Variants in FHIT observed in about 807,000 individuals in gnomAD.
The protein encoded by FHIT is bis(5'-adenosyl)-triphosphatase.
Under a neutral mutation model 17.9 loss-of-function variants are expected in FHIT, and 19 were observed. That is an observed-to-expected ratio of 1.06 (90% CI 0.74 to 1.56). The LOEUF is 1.56. FHIT is among the 40% of genes most tolerant of loss of function. FHIT has a pLI of 0.00. For synonymous variants in FHIT, 81 were observed against 69.7 expected (o/e 1.16, Z -0.81); for missense variants, 248 against 189.2 (o/e 1.31, Z -1.82).
At chr3:60,684,453 A>T (rs918110443) in intron 4 of FHIT, among the ~76,000 whole-genome samples, 3 of 152,128 alleles carry the variant, frequency 2.0e-5, no homozygotes, top group Admixed American at 1.3e-4. Flanking sequence ...TCAAGTCCAG[A>T]TATAGGAGTT....
intron 2 of FHIT, among the ~76,000 whole-genome samples, chr3:61,196,254 G>C (rs1270623446): frequency 1.3e-5 from 2 of 152,132 alleles, no homozygotes; most frequent in African/African-American, 4.8e-5. Context: ...AGATGTTGCA[G>C]TTTTTAAATA....
At chr3:59,857,017 G>A (rs565338138) in intron 8 of FHIT, among the ~76,000 whole-genome samples, 1 of 152,278 alleles carries the variant, frequency 6.6e-6, no homozygotes, top group South Asian at 2.1e-4. Context: ...TCACGCTAAT[G>A]TAACAATCGC....
intron 3 of FHIT, among the ~76,000 whole-genome samples, chr3:60,832,835 T>C (rs1339832540): frequency 1.3e-5 from 2 of 152,204 alleles, no homozygotes; most frequent in Non-Finnish European, 1.5e-5. Flanking sequence ...TTCAACATGT[T>C]AATAAAAGTT....
At chr3:60,427,326 A>C (rs1381210512) in intron 5 of FHIT, among the ~76,000 whole-genome samples, 2 of 152,028 alleles carry the variant, frequency 1.3e-5, no homozygotes, top group African/African-American at 4.8e-5. Flanking sequence ...TTCTGCCAAC[A>C]GGAGACAGCT....
chr3:60,732,584 C>A, intron 4 of FHIT: 2 of 581,724 alleles, frequency 3.4e-6, no homozygotes, highest in Non-Finnish European at 6.8e-6. Context: ...GGAGACGCGG[C>A]CCAAGGGCTC....
intron 5 of FHIT, among the ~76,000 whole-genome samples, chr3:60,224,171 G>T (rs972862619): frequency 1.3e-5 from 2 of 152,142 alleles, no homozygotes; most frequent in Non-Finnish European, 2.9e-5. Flanking sequence ...CTGTGGAGGA[G>T]TACCGATTTT....
intron 3 of FHIT, among the ~76,000 whole-genome samples, chr3:60,961,221 T>G (rs1422658168): frequency 1.3e-5 from 2 of 152,248 alleles, no homozygotes; most frequent in Non-Finnish European, 2.9e-5. Context: ...ATTGGCTCCA[T>G]AAATGTCTTC....
intron 8 of FHIT, among the ~76,000 whole-genome samples, chr3:59,808,134 C>T (rs1196873064): frequency 6.6e-6 from 1 of 152,142 alleles, no homozygotes. Context: ...CTTTCTGTCT[C>T]TATCAATTTG....
At chr3:60,578,955 TCA>T (rs1259670493) in intron 4 of FHIT, among the ~76,000 whole-genome samples, 2 of 152,108 alleles carry the variant, frequency 1.3e-5, no homozygotes, top group African/African-American at 4.8e-5. Flanking sequence ...AAGTAAACAC[TCA>T]CAAGAAAAAG....
intron 4 of FHIT, among the ~76,000 whole-genome samples, chr3:60,759,075 T>C (rs1482290687): frequency 6.6e-6 from 1 of 152,136 alleles, no homozygotes; most frequent in African/African-American, 2.4e-5. Flanking sequence ...CCAGTGCCAC[T>C]GTAGCAGAGG....
At chr3:61,020,777 T>C (rs1401555862) in intron 3 of FHIT, among the ~76,000 whole-genome samples, 2 of 152,088 alleles carry the variant, frequency 1.3e-5, no homozygotes, top group Admixed American at 1.3e-4. Flanking sequence ...GTGCGCTATA[T>C]TCAGGAGACC....
intron 4 of FHIT, among the ~76,000 whole-genome samples, chr3:60,787,588 A>G (rs1700625776): frequency 6.6e-6 from 1 of 152,258 alleles, no homozygotes; most frequent in South Asian, 2.1e-4. Flanking sequence ...TATGCCTTGC[A>G]TGAAACAGGT....
At chr3:61,021,487 T>C (rs2032429313) in intron 3 of FHIT, among the ~76,000 whole-genome samples, 1 of 140,478 alleles carries the variant, frequency 7.1e-6, no homozygotes, top group Admixed American at 7.5e-5. Flanking sequence ...TAGTCCCAGC[T>C]ACTTGGGAGG....
Position 60,830,598 on chromosome 3 carries a change from T to C in FHIT, c.-110-8587A>G, listed in dbSNP as rs74950207. 6.6e-3 allele frequency among the ~76,000 whole-genome samples: 1,001 copies of C among 152,316 alleles called. 9 individuals are homozygous for C. The highest frequency in any genetic ancestry group is 0.022 in the African/African-American group (934 of 41,562). On this transcript the variant is annotated intron_variant, in intron 3 of 9. Coordinates refer to ENST00000492590, the MANE Select transcript of FHIT (RefSeq NM_002012.4). ...AAGCTACTTTATGACAAAATGGAAA[T>C]ATATTTGTAATTCTATATCCTAATG...
At chr3:60,091,442 A>G (rs1404034068) in intron 5 of FHIT, among the ~76,000 whole-genome samples, 1 of 152,182 alleles carries the variant, frequency 6.6e-6, no homozygotes, top group Non-Finnish European at 1.5e-5. Context: ...ACCTGGAGTG[A>G]CAAGGAGTTG....
At chr3:59,923,221 C>CAAAAAAAAAAAAAAAAAAAAAAAAAAA (rs532237239) in intron 7 of FHIT, among the ~76,000 whole-genome samples, 1 of 67,456 alleles carries the variant, frequency 1.5e-5, no homozygotes, top group African/African-American at 6.4e-5. Flanking sequence ...CGAGACTCCT[C>CAAAAAAAAAAAAAAAAAAAAAAAAAAA]AAAAAAAAAA....
chr3:60,412,274 A>G (rs1193196110), intron 5 of FHIT, among the ~76,000 whole-genome samples: 2 of 152,088 alleles, frequency 1.3e-5, no homozygotes, highest in Admixed American at 6.6e-5. Flanking sequence ...CTTAATAAAA[A>G]TCTTGAGGAA....
intron 4 of FHIT, chr3:60,730,057 A>G: frequency 2.1e-6 from 1 of 477,754 alleles, no homozygotes; most frequent in East Asian, 5.9e-5. Flanking sequence ...TTTTGAAACA[A>G]CCCTCTGGAC....
At chr3:60,663,627 G>C (rs1553691736) in intron 4 of FHIT, among the ~76,000 whole-genome samples, 13 of 151,798 alleles carry the variant, frequency 8.6e-5, no homozygotes, top group Non-Finnish European at 1.2e-4. Context: ...ACAAGAGAGG[G>C]GGTTTCATCA....
Sources: allele counts gnomAD v4.1 joint callset (sites outside exome capture counted in the v4.1 genomes callset), GRCh38; gene constraint gnomAD v4.1.1; transcripts MANE v1.5; gene names NCBI Gene and HGNC (gene_info 2026-07-23, HGNC 2026-07-21).